ZNF131: variants seen among roughly 807,000 people sequenced by gnomAD.
ZNF131 encodes the protein zinc finger and BTB domain containing 35.
A neutral mutation model predicts 60.0 loss-of-function variants in ZNF131; 7 were observed. The observed-to-expected ratio is 0.12, with a 90% CI of 0.07 to 0.22. The LOEUF is 0.22. Ranked by LOEUF, ZNF131 falls within the 10% of genes least tolerant of loss-of-function variation. The probability of loss-of-function intolerance (pLI) is 1.00; values close to 1 mark genes in which losing one functional copy is unlikely to be tolerated. For synonymous variants in ZNF131, 257 were observed against 253.2 expected, an observed-to-expected ratio of 1.01 and a Z score of -0.14; for missense variants, 493 against 740.9, an observed-to-expected ratio of 0.67 and a Z score of 3.88.
At position 43,154,521 on chromosome 5, in the gene ZNF131, C is replaced by T. The variant is rs570909304; in HGVS notation, c.372-6728C>T. 4.6e-5 allele frequency among the ~76,000 whole-genome samples: 7 copies of T among 152,262 alleles called. No individual in the cohort carries two copies. In the East Asian group the frequency reaches 1.2e-3, roughly 25 times the overall value. ...ACTGTCTGCAAGGAACAGTCGGAGA[C>T]AATGCTCTGTGTGTTATGTGATCCT... On this transcript the variant is annotated intron_variant, in intron 4 of 6. Transcript: ENST00000682664.
At chr5:43,173,471 A>T in intron 6 of ZNF131, 23 bp downstream of exon 6, 1 of 1,601,752 alleles carries the variant, frequency 6.2e-7, no homozygotes, top group Non-Finnish European at 8.5e-7. Flanking sequence ...ACATACATTC[A>T]GTTCTTAACA....
chr5:43,155,054 T>C (rs1748785894), intron 4 of ZNF131, among the ~76,000 whole-genome samples: 2 of 152,222 alleles, frequency 1.3e-5, no homozygotes, highest in South Asian at 4.1e-4. Flanking sequence ...GTGCAGAGGC[T>C]GAGCACTTGC....
intron 5 of ZNF131, among the ~76,000 whole-genome samples, chr5:43,162,543 G>T (rs71627583): frequency 0.096 from 13,858 of 145,044 alleles, 708 homozygotes; most frequent in East Asian, 0.19. Flanking sequence ...AGTGAGCCGA[G>T]ATCATGCCAC....
At chr5:43,162,961 TTATTTGCC>T in intron 5 of ZNF131, among the ~76,000 whole-genome samples, 3 of 102,902 alleles carry the variant, frequency 2.9e-5, no homozygotes, top group African/African-American at 6.1e-5. Context: ...TTCTTTTCTT[TTATTTGCC>T]TTTTTTTTTT....
chr5:43,128,001 T>C (rs1744770266), intron 3 of ZNF131, among the ~76,000 whole-genome samples: 1 of 152,226 alleles, frequency 6.6e-6, no homozygotes. Context: ...ATACATCTTT[T>C]TGAGTAGGAG....
intron 3 of ZNF131, among the ~76,000 whole-genome samples, chr5:43,134,076 A>G (rs1316114345): frequency 6.6e-6 from 1 of 152,232 alleles, no homozygotes; most frequent in Admixed American, 6.5e-5. Context: ...GCCACAAAAA[A>G]GAAAACTATA....
In ZNF131 at chr5:43,137,011, G is replaced by GA. The variant is rs1287052087; in HGVS notation, c.227-2148dup. Among the ~76,000 whole-genome samples, 4 of 152,058 alleles carry GA rather than the reference G, an allele frequency of 2.6e-5. No homozygotes were observed. In the South Asian group the frequency reaches 8.3e-4, roughly 32 times the overall value. Reference sequence around the variant, plus strand: ...TGTTGGAAGAACTAGGTATTCACATGAAAAAAGATGAAATTGGACCCCTAT... The same window carrying GA: ...TGTTGGAAGAACTAGGTATTCACATGAAAAAAAGATGAAATTGGACCCCTAT... On this transcript the variant is annotated intron_variant, in intron 3 of 6. Transcript: ENST00000682664.
chr5:43,175,289 C>G lies in ZNF131; in HGVS notation c.*156C>G. 1 of 759,294 alleles carries G rather than the reference C, an allele frequency of 1.3e-6. No individual in the cohort carries two copies. Among genetic ancestry groups the G allele is most frequent in the Non-Finnish European group, 2.1e-6 (1 of 468,786 alleles). The allele number at this position is 759,294 out of a possible 1,614,324, so 47.0% of individuals were successfully genotyped here. On this transcript the variant is annotated 3_prime_UTR_variant, in exon 7 of 7. Transcript: ENST00000682664. ...GTTGTCCGTTGAAACACATTGATTC[C>G]CCTCCCCCTACTTATTGCCACAGAG...
chr5:43,135,389 C>G (rs1301182575), intron 3 of ZNF131, among the ~76,000 whole-genome samples: 1 of 152,112 alleles, frequency 6.6e-6, no homozygotes, highest in African/African-American at 2.4e-5. Flanking sequence ...AATAAAGTAA[C>G]TGGGAATAGG....
chr5:43,143,490 C>T (rs1747129118), intron 4 of ZNF131: 1 of 1,121,170 alleles, frequency 8.9e-7, no homozygotes, highest in Admixed American at 2.4e-5. Context: ...ATTTCCTATC[C>T]CACTGGAACT....
rs1297855678 is a variant in ZNF131, at chr5:43,175,451, C to A, written c.*318C>A. ...GGTAAAAGTTCTTCCTTTTCTCTTT[C>A]CCAGGTCATGTTCTTCCTCAAATTT... On this transcript the variant is annotated 3_prime_UTR_variant, in exon 7 of 7. Coordinates refer to ENST00000682664, the MANE Select transcript of ZNF131 (RefSeq NM_001330707.2). 2 of 699,280 alleles carry A rather than the reference C, an allele frequency of 2.9e-6. No individual in the cohort carries two copies. The highest frequency in any genetic ancestry group is 1.5e-5 in the South Asian group (1 of 66,718). The allele number at this position is 699,280 out of a possible 1,614,324, so 43.3% of individuals were successfully genotyped here. A position where few individuals can be genotyped will look rare whatever the true frequency, so the allele number is the denominator to read the frequency against.
chr5:43,141,456 C>T (rs771269439), intron 4 of ZNF131, among the ~76,000 whole-genome samples: 2 of 152,030 alleles, frequency 1.3e-5, no homozygotes, highest in African/African-American at 4.8e-5. Flanking sequence ...TGGTATGTCA[C>T]TTTGGAGAAG....
rs70991484 is a variant in ZNF131 at position 43,136,476 on chromosome 5, C to CTTTTTTT, written c.227-2665_227-2659dup. 8.1e-4 allele frequency among the ~76,000 whole-genome samples: 57 copies of CTTTTTTT among 70,058 alleles called. 2 individuals are homozygous for CTTTTTTT. The highest frequency in any genetic ancestry group is 2.1e-3 in the African/African-American group (39 of 18,306). The allele number at this position is 70,058 out of a possible 152,430, so 46.0% of individuals were successfully genotyped here. On this transcript the variant is annotated intron_variant, in intron 3 of 6. Coordinates refer to ENST00000682664, the MANE Select transcript of ZNF131 (RefSeq NM_001330707.2). ...AAAGAACAAAGCTAGAGGCATCATA[C>CTTTTTTT]TTTTTTTTTTTTTTTTTTTTTTTTT... is the stretch of plus-strand genomic sequence containing the variant.
At chr5:43,165,819 A>G (rs554699690) in intron 5 of ZNF131, among the ~76,000 whole-genome samples, 1 of 152,316 alleles carries the variant, frequency 6.6e-6, no homozygotes, top group African/African-American at 2.4e-5. Flanking sequence ...CTAACTATGA[A>G]AGTCCTAGAT....
chr5:43,123,511 T>TCTG, intron 3 of ZNF131: 1 of 413,396 alleles, frequency 2.4e-6, no homozygotes, highest in Non-Finnish European at 4.3e-6. Context: ...AAGTCTTACT[T>TCTG]TCAGTGAAGT....
rs1751215985 is a variant in ZNF131 at position 43,173,215 on chromosome 5, AT to A, written c.1055-100del. 1.2e-5 allele frequency: 14 copies of A among 1,178,526 alleles called. No individual in the cohort carries two copies. The South Asian group carries it at 3.0e-4, about 25-fold the overall frequency. The allele number at this position is 1,178,526 out of a possible 1,614,324, so 73.0% of individuals were successfully genotyped here. On this transcript the variant is annotated intron_variant, in intron 5 of 6. Transcript: ENST00000682664. Reference sequence around the variant, plus strand: ...TGAATTGTGATTTCTCCTTTTAGGAATTTAGTATTAAAATTACCCAAAAAGA... The same window carrying A: ...TGAATTGTGATTTCTCCTTTTAGGAATTAGTATTAAAATTACCCAAAAAGA...
chr5:43,135,260 G>C (rs1745926596), intron 3 of ZNF131, among the ~76,000 whole-genome samples: 2 of 144,088 alleles, frequency 1.4e-5, no homozygotes, highest in Non-Finnish European at 3.0e-5. Context: ...CTCCCAAAGT[G>C]CTGGGATTAC....
At chr5:43,129,693 C>T (rs1328146399) in intron 3 of ZNF131, among the ~76,000 whole-genome samples, 1 of 152,084 alleles carries the variant, frequency 6.6e-6, no homozygotes, top group African/African-American at 2.4e-5. Context: ...CTTGCTCTGT[C>T]ACCCAGGCTG....
chr5:43,158,071 C>T (rs544929333), intron 4 of ZNF131, among the ~76,000 whole-genome samples: 3 of 151,322 alleles, frequency 2.0e-5, no homozygotes, highest in Admixed American at 6.6e-5. Context: ...TGGGTTCAAG[C>T]GATTCTCTTG....
Sources: allele counts gnomAD v4.1 joint callset (sites outside exome capture counted in the v4.1 genomes callset), GRCh38; gene constraint gnomAD v4.1.1; transcripts MANE v1.5; gene names NCBI Gene and HGNC (gene_info 2026-07-23, HGNC 2026-07-21).